Variants in TRIM71 observed in about 807,000 individuals in gnomAD.
The protein encoded by TRIM71 is E3 ubiquitin-protein ligase TRIM71.
Under a neutral mutation model 61.2 loss-of-function variants are expected in TRIM71, and 9 were observed. That is an observed-to-expected ratio of 0.15 (90% confidence interval 0.09 to 0.26). TRIM71 has a LOEUF of 0.26. Ranked by LOEUF, TRIM71 falls within the 10% of genes least tolerant of loss-of-function variation. The probability of loss-of-function intolerance (pLI) is 1.00; values close to 1 mark genes in which losing one functional copy is unlikely to be tolerated. For missense variants in TRIM71, 998 were observed against 1,238.7 expected (o/e 0.81, Z 2.92); for synonymous variants, 645 against 553.2 (o/e 1.17, Z -2.33).
intron 1 of TRIM71, among the ~76,000 whole-genome samples, chr3:32,871,957 C>T (rs1696800576): frequency 6.6e-6 from 1 of 152,182 alleles, no homozygotes; most frequent in Non-Finnish European, 1.5e-5. Context: ...TCCTGGCTAA[C>T]AGGGTGAAAC....
At position 32,834,525 on chromosome 3, in the gene TRIM71, G is replaced by T. The variant is rs528634138; in HGVS notation, c.852+15593G>T. On this transcript the variant is annotated intron_variant, in intron 1 of 3. Transcript: ENST00000383763. ...AATATACCAGGGCTTCCTAGATCGG[G>T]GGAGTTTTACTTCTAGTATAGCCAG... Among the ~76,000 whole-genome samples, 5 of 152,216 alleles carry T rather than the reference G, an allele frequency of 3.3e-5. No homozygotes were observed. The East Asian group carries it at 9.6e-4, about 29-fold the overall frequency.
At chr3:32,861,148 C>T (rs1696664219) in intron 1 of TRIM71, among the ~76,000 whole-genome samples, 1 of 151,704 alleles carries the variant, frequency 6.6e-6, no homozygotes, top group Non-Finnish European at 1.5e-5. Flanking sequence ...GTACTCCAGC[C>T]AGAGCAAGAC....
chr3:32,846,914 AT>A (rs1465201311), intron 1 of TRIM71, among the ~76,000 whole-genome samples: 38 of 152,186 alleles, frequency 2.5e-4, no homozygotes, highest in African/African-American at 7.7e-4. Context: ...TATATGGCAC[AT>A]TTTGCTGTCT....
intron 1 of TRIM71, among the ~76,000 whole-genome samples, chr3:32,873,511 G>A (rs1696820500): frequency 6.6e-6 from 1 of 152,174 alleles, no homozygotes; most frequent in South Asian, 2.1e-4. Context: ...GGTTTGTTTT[G>A]TTTGGTTTCT....
Position 32,890,926 on chromosome 3 carries a change from C to T in TRIM71, c.1722C>T (p.Ser574=), listed in dbSNP as rs1363375713. The change falls in exon 4 of 4, where the codon AGC becomes AGT. Residue 574 remains serine (S), a synonymous_variant. Coordinates refer to ENST00000383763, the MANE Select transcript of TRIM71 (RefSeq NM_001039111.3). This position sits in a 1 kb window ranked among gnomAD's most constrained non-coding sequence, Gnocchi z 6.2. The part of the protein sequence containing the change: ...VTLCNQHIEN[S]PFKVVVKSGR... The stretch of plus-strand genomic sequence containing the variant: ...TGTGCAACCAGCACATTGAGAACAG[C>T]CCTTTCAAGGTGGTGGTCAAGTCAG... The T allele has an allele frequency of 2.4e-5, 38 of 1,614,106 alleles. No individual in the cohort carries two copies. The highest frequency in any genetic ancestry group is 3.3e-5 in the Admixed American group (2 of 60,008).
chr3:32,844,583 G>C (rs766659575), intron 1 of TRIM71, among the ~76,000 whole-genome samples: 18 of 151,978 alleles, frequency 1.2e-4, no homozygotes, highest in Non-Finnish European at 2.1e-4. Context: ...ATTTTGTAGA[G>C]AGCGTCTCAC....
chr3:32,855,145 C>G (rs919923195), intron 1 of TRIM71, among the ~76,000 whole-genome samples: 9 of 152,262 alleles, frequency 5.9e-5, no homozygotes, highest in South Asian at 2.1e-4. Context: ...TTGGTACTAT[C>G]CGTGCTTTCA....
At chr3:32,823,627 C>T (rs577597092) in intron 1 of TRIM71, among the ~76,000 whole-genome samples, 56 of 149,078 alleles carry the variant, frequency 3.8e-4, no homozygotes, top group Admixed American at 2.5e-3. Context: ...TGTTCTTTAT[C>T]ATTGACATTG....
At chr3:32,856,361 C>G (rs928331175) in intron 1 of TRIM71, among the ~76,000 whole-genome samples, 2 of 152,038 alleles carry the variant, frequency 1.3e-5, no homozygotes, top group African/African-American at 4.8e-5. Flanking sequence ...CTCCCCTGCC[C>G]CCCCATCCCT....
intron 1 of TRIM71, among the ~76,000 whole-genome samples, chr3:32,839,643 T>G (rs1696380072): frequency 8.5e-6 from 1 of 117,166 alleles, no homozygotes; most frequent in Admixed American, 9.6e-5. Flanking sequence ...TAAGTCGAAT[T>G]GATTATTGAG....
In TRIM71 at chr3:32,873,817, G is replaced by C; in HGVS notation, c.853-1G>C. On this transcript the variant is annotated splice_acceptor_variant, in intron 1 of 3. Transcript: ENST00000383763. LOFTEE classifies it high-confidence loss of function. Reference sequence around the variant, plus strand: ...ATGCCTGTACCCTCTCTTGTCCCCAGGTGCTGCACCTGTACTGTGACACTT... The same window carrying C: ...ATGCCTGTACCCTCTCTTGTCCCCACGTGCTGCACCTGTACTGTGACACTT... The C allele has an allele frequency of 6.4e-7, 1 of 1,564,638 alleles. No individual in the cohort carries two copies. Among genetic ancestry groups the C allele is most frequent in the South Asian group, 1.2e-5 (1 of 83,910 alleles).
intron 2 of TRIM71, among the ~76,000 whole-genome samples, chr3:32,884,073 G>A (rs1575359722): frequency 6.6e-6 from 1 of 152,176 alleles, no homozygotes; most frequent in East Asian, 1.9e-4. Flanking sequence ...AGAGAATGCA[G>A]TGTGGCACCT....
Position 32,825,577 on chromosome 3 carries a change from C to G in TRIM71, c.852+6645C>G, listed in dbSNP as rs185262428. ...AGGGTGAGATGAATTCTATACTATG[C>G]AGGCAGTTTCAAAATACTGCTTCCC... On this transcript the variant is annotated intron_variant, in intron 1 of 3. Transcript: ENST00000383763. 1.7e-3 allele frequency among the ~76,000 whole-genome samples: 254 copies of G among 152,290 alleles called. 1 individual carries two copies. The highest frequency in any genetic ancestry group is 3.4e-3 in the Middle Eastern group (1 of 294).
In TRIM71 at chr3:32,891,333, C is replaced by T. The variant is rs1483016798; in HGVS notation, c.2129C>T (p.Ser710Phe). The change falls in exon 4 of 4, where the codon TCT becomes TTT. Residue 710 changes from serine to phenylalanine, a missense_variant. This residue lies in a region of TRIM71 where 83 missense variants were observed against 202.7 expected (regional missense o/e 0.41). Transcript: ENST00000383763. This position sits in a 1 kb window ranked among gnomAD's most constrained non-coding sequence, Gnocchi z 8.2. ...TACCCTTGGGATGTGGCGGTGAATT[C>T]TGAGGGCAAGATCCTGGTCTCAGAC... ...FNYPWDVAVNSEGKILVSDTR... is the reference protein window; with the variant it reads ...FNYPWDVAVNFEGKILVSDTR... 2 of 1,614,022 alleles carry T rather than the reference C, an allele frequency of 1.2e-6. No individual in the cohort carries two copies. Among genetic ancestry groups the T allele is most frequent in the Non-Finnish European group, 1.7e-6 (2 of 1,179,982 alleles).
chr3:32,877,148 G>C (rs1297772242), intron 2 of TRIM71, among the ~76,000 whole-genome samples: 1 of 152,194 alleles, frequency 6.6e-6, no homozygotes, highest in African/African-American at 2.4e-5. Context: ...CTATCGCCCA[G>C]GCTGGAGTGC....
At chr3:32,832,688 T>TA (rs1190085228) in intron 1 of TRIM71, among the ~76,000 whole-genome samples, 1 of 152,040 alleles carries the variant, frequency 6.6e-6, no homozygotes, top group Non-Finnish European at 1.5e-5. Flanking sequence ...CCCGTCTCAA[T>TA]AAAAAATATT....
intron 3 of TRIM71, among the ~76,000 whole-genome samples, chr3:32,888,654 C>CCT (rs1377322694): frequency 2.6e-5 from 4 of 151,964 alleles, no homozygotes; most frequent in African/African-American, 9.7e-5. Flanking sequence ...GATTCTCCTG[C>CCT]CTCAGCCTCC....
chr3:32,847,717 T>C (rs80315134), intron 1 of TRIM71, among the ~76,000 whole-genome samples: 2,761 of 152,278 alleles, frequency 0.018, 37 homozygotes, highest in Middle Eastern at 0.058. Context: ...ATGTGACAAA[T>C]GAATGTGCTG....
intron 2 of TRIM71, among the ~76,000 whole-genome samples, chr3:32,882,982 T>G (rs749204704): frequency 6.6e-6 from 1 of 152,202 alleles, no homozygotes; most frequent in Non-Finnish European, 1.5e-5. Context: ...TTTCCTTTGT[T>G]CTCTCAGACA....
Sources: gnomAD v4.1 joint callset for allele counts (sites outside exome capture counted in the v4.1 genomes callset) on GRCh38, gnomAD v4.1.1 for gene constraint, gnomAD v4.1.1 regional missense constraint, Gnocchi (gnomAD v3.1) non-coding constraint, MANE v1.5 for transcripts, NCBI Gene and HGNC (gene_info 2026-07-23, HGNC 2026-07-21) for gene names.